KCNIP4: variants seen among roughly 807,000 people sequenced by gnomAD.
The protein encoded by KCNIP4 is Kv channel-interacting protein 4.
In KCNIP4, 12 loss-of-function variants were observed where a neutral mutation model predicts 34.0. The observed-to-expected ratio is 0.35, with a 90% CI of 0.23 to 0.57. The LOEUF (loss-of-function observed/expected upper bound fraction) is 0.57. KCNIP4 is among the 20% of genes least tolerant of loss of function. The probability of loss-of-function intolerance (pLI) is 0.83; values close to 1 mark genes in which losing one functional copy is unlikely to be tolerated. For synonymous variants in KCNIP4, 124 were observed against 102.2 expected (o/e 1.21, Z -1.29); for missense variants, 238 against 311.7 (o/e 0.76, Z 1.78).
chr4:21,793,776 C>A (rs1344597632), intron 1 of KCNIP4, among the ~76,000 whole-genome samples: 3 of 152,014 alleles, frequency 2.0e-5, no homozygotes, highest in South Asian at 2.1e-4. Context: ...TGAAAATATA[C>A]CACAGGGGTA....
At chr4:21,193,396 G>C (rs1310086499) in intron 1 of KCNIP4, among the ~76,000 whole-genome samples, 1 of 151,900 alleles carries the variant, frequency 6.6e-6, no homozygotes, top group Non-Finnish European at 1.5e-5. Flanking sequence ...CTTGCTAGCT[G>C]GCACAGTGTT....
intron 3 of KCNIP4, among the ~76,000 whole-genome samples, chr4:20,803,727 G>A (rs997896098): frequency 0.097 from 8,733 of 90,490 alleles, 504 homozygotes; most frequent in Admixed American, 0.19. Flanking sequence ...GAGAGAGAGA[G>A]AGGAAGGAAG....
At chr4:20,802,245 T>C (rs900422503) in intron 3 of KCNIP4, among the ~76,000 whole-genome samples, 7 of 146,712 alleles carry the variant, frequency 4.8e-5, no homozygotes, top group East Asian at 4.3e-4. Flanking sequence ...ATATATGCTA[T>C]ATATATGCTA....
rs544155848 is a variant in KCNIP4 at position 21,288,031 on chromosome 4, C to T, written c.62-405322G>A. On this transcript the variant is annotated intron_variant, in intron 1 of 8. Coordinates refer to ENST00000382152, the MANE Select transcript of KCNIP4 (RefSeq NM_025221.6). ...TATAAGTATAAATTAGAAACTCTTT[C>T]CACCTTAAAAATATGCTTGTGGGTT... Among the ~76,000 whole-genome samples, 4 of 152,208 alleles carry T rather than the reference C, an allele frequency of 2.6e-5. No individual in the cohort carries two copies. The South Asian group carries it at 6.2e-4, about 24-fold the overall frequency.
chr4:21,454,081 T>C (rs1030280379), intron 1 of KCNIP4, among the ~76,000 whole-genome samples: 1 of 152,090 alleles, frequency 6.6e-6, no homozygotes, highest in East Asian at 1.9e-4. Context: ...CCAGCTAGAA[T>C]ACACTTTGTC....
At chr4:20,731,556 A>T in intron 8 of KCNIP4, 1 of 985,424 alleles carries the variant, frequency 1.0e-6, no homozygotes, top group South Asian at 4.7e-5. Context: ...TCTTGTCCAC[A>T]TACACTAAAA....
intron 1 of KCNIP4, among the ~76,000 whole-genome samples, chr4:21,924,378 G>C (rs1199529003): frequency 6.6e-6 from 1 of 151,638 alleles, no homozygotes; most frequent in Non-Finnish European, 1.5e-5. Context: ...CAAGTAGCTG[G>C]GACTACAGGT....
intron 1 of KCNIP4, among the ~76,000 whole-genome samples, chr4:21,662,474 T>C (rs752735758): frequency 5.9e-5 from 9 of 152,202 alleles, no homozygotes; most frequent in Non-Finnish European, 8.8e-5. Context: ...CTAAACAGCA[T>C]TGGAAATGCA....
intron 1 of KCNIP4, among the ~76,000 whole-genome samples, chr4:21,688,637 T>C (rs1284466111): frequency 6.6e-6 from 1 of 152,152 alleles, no homozygotes; most frequent in African/African-American, 2.4e-5. Context: ...AGGTGTTTAA[T>C]TGATAAAATG....
intron 1 of KCNIP4, among the ~76,000 whole-genome samples, chr4:20,982,615 T>C (rs191749651): frequency 5.3e-4 from 81 of 152,366 alleles, no homozygotes; most frequent in Middle Eastern, 3.4e-3. Context: ...AGAATGTATG[T>C]TCTTATATTG....
At chr4:21,713,380 G>A (rs1713894701) in intron 1 of KCNIP4, among the ~76,000 whole-genome samples, 1 of 152,078 alleles carries the variant, frequency 6.6e-6, no homozygotes, top group Admixed American at 6.5e-5. Flanking sequence ...GAACACTGCT[G>A]GGATGATTAT....
At chr4:21,247,628 TTTA>T (rs1159535646) in intron 1 of KCNIP4, among the ~76,000 whole-genome samples, 61 of 143,822 alleles carry the variant, frequency 4.2e-4, no homozygotes, top group Admixed American at 7.9e-4. Context: ...TATCTATATA[TTTA>T]GATATATCTA....
intron 1 of KCNIP4, among the ~76,000 whole-genome samples, chr4:20,966,704 A>T (rs535079706): frequency 3.8e-4 from 58 of 152,318 alleles, no homozygotes; most frequent in Non-Finnish European, 6.3e-4. Flanking sequence ...ATCAGCATAA[A>T]GAAAATTATG....
chr4:21,110,887 G>A (rs535508320), intron 1 of KCNIP4, among the ~76,000 whole-genome samples: 1 of 152,094 alleles, frequency 6.6e-6, no homozygotes, highest in Non-Finnish European at 1.5e-5. Context: ...CATTTCTGTT[G>A]TTTATAAGCC....
intron 1 of KCNIP4, among the ~76,000 whole-genome samples, chr4:21,528,134 CTAT>C (rs762011613): frequency 1.9e-4 from 29 of 152,156 alleles, no homozygotes; most frequent in African/African-American, 5.8e-4. Flanking sequence ...CTGCCTTCAG[CTAT>C]TACAGGTTGT....
chr4:21,231,641 C>A (rs1180805878), intron 1 of KCNIP4, among the ~76,000 whole-genome samples: 3 of 152,042 alleles, frequency 2.0e-5, no homozygotes, highest in Non-Finnish European at 2.9e-5. Flanking sequence ...CCATTGGGTT[C>A]TTCTCAGTAG....
At chr4:20,917,133 G>C (rs939566294) in intron 1 of KCNIP4, among the ~76,000 whole-genome samples, 1 of 149,106 alleles carries the variant, frequency 6.7e-6, no homozygotes, top group African/African-American at 2.5e-5. Flanking sequence ...TGACTCCCTG[G>C]TTCAAGCTAT....
At chr4:21,869,791 C>CAGAT (rs1477483754) in intron 1 of KCNIP4, among the ~76,000 whole-genome samples, 1 of 151,268 alleles carries the variant, frequency 6.6e-6, no homozygotes, top group African/African-American at 2.4e-5. Context: ...GATAGACAGA[C>CAGAT]AGACAGATAG....
intron 1 of KCNIP4, among the ~76,000 whole-genome samples, chr4:21,415,552 A>T (rs1349724271): frequency 6.6e-6 from 1 of 151,570 alleles, no homozygotes; most frequent in African/African-American, 2.4e-5. Context: ...AAAAAAAAAA[A>T]TTAGCCAGGT....
Sources: allele counts gnomAD v4.1 joint callset (sites outside exome capture counted in the v4.1 genomes callset), GRCh38; gene constraint gnomAD v4.1.1; transcripts MANE v1.5; gene names NCBI Gene and HGNC (gene_info 2026-07-23, HGNC 2026-07-21).